Variants in PCGF5 observed in about 807,000 individuals in gnomAD.
PCGF5 encodes the protein polycomb group ring finger 5, also known as polycomb group RING finger protein 5.
A neutral mutation model predicts 44.3 loss-of-function variants in PCGF5; 9 were observed. The observed-to-expected ratio is 0.20, with a 90% confidence interval of 0.12 to 0.35. The LOEUF (loss-of-function observed/expected upper bound fraction) is 0.35, where lower values mean the gene tolerates loss of function less well. Ranked by LOEUF, PCGF5 falls within the 10% of genes least tolerant of loss-of-function variation. The pLI, the probability that PCGF5 is intolerant of heterozygous loss-of-function variation, is 1.00. For missense variants in PCGF5, 146 were observed against 305.3 expected (o/e 0.48, Z 3.89); for synonymous variants, 95 against 102.5 (o/e 0.93, Z 0.44).
intron 3 of PCGF5, among the ~76,000 whole-genome samples, chr10:91,242,297 A>G (rs984487112): frequency 2.0e-5 from 3 of 151,892 alleles, no homozygotes; most frequent in Non-Finnish European, 4.4e-5. Flanking sequence ...AACTGAATAA[A>G]GCAAACATTT....
chr10:91,174,714 T>G (rs1200490589), intron 1 of PCGF5, among the ~76,000 whole-genome samples: 2 of 152,216 alleles, frequency 1.3e-5, no homozygotes, highest in African/African-American at 4.8e-5. Context: ...ATCAGGCATG[T>G]CTGTAAAATA....
intron 1 of PCGF5, among the ~76,000 whole-genome samples, chr10:91,193,596 G>T (rs1589361896): frequency 6.6e-6 from 1 of 151,978 alleles, no homozygotes; most frequent in East Asian, 1.9e-4. Context: ...AGGAGATAGG[G>T]TCGGAAAGGC....
chr10:91,169,404 C>A (rs1030217009), intron 1 of PCGF5, among the ~76,000 whole-genome samples: 1 of 152,064 alleles, frequency 6.6e-6, no homozygotes, highest in African/African-American at 2.4e-5. Flanking sequence ...ACAAAAAAAC[C>A]TCCTGGAACT....
At chr10:91,169,407 C>G (rs1333762483) in intron 1 of PCGF5, among the ~76,000 whole-genome samples, 1 of 152,076 alleles carries the variant, frequency 6.6e-6, no homozygotes, top group East Asian at 1.9e-4. Context: ...AAAAAACCTC[C>G]TGGAACTAAT....
chr10:91,230,453 A>G (rs1844972253), intron 2 of PCGF5, among the ~76,000 whole-genome samples: 1 of 152,188 alleles, frequency 6.6e-6, no homozygotes, highest in Non-Finnish European at 1.5e-5. Context: ...GATTTTTACC[A>G]GTATTATGTC....
At chr10:91,236,136 C>T (rs547109875) in intron 2 of PCGF5, among the ~76,000 whole-genome samples, 2 of 152,186 alleles carry the variant, frequency 1.3e-5, no homozygotes, top group South Asian at 4.2e-4. Flanking sequence ...ATTTTGATGC[C>T]AGGGACCAAA....
chr10:91,273,382 G>A (rs1846229593), intron 9 of PCGF5, among the ~76,000 whole-genome samples: 1 of 152,188 alleles, frequency 6.6e-6, no homozygotes, highest in African/African-American at 2.4e-5. Flanking sequence ...TGATGCCTAT[G>A]TATTTCCTTA....
At chr10:91,256,092 C>G (rs905714304) in intron 6 of PCGF5, among the ~76,000 whole-genome samples, 7 of 151,922 alleles carry the variant, frequency 4.6e-5, no homozygotes, top group African/African-American at 1.7e-4. Flanking sequence ...GACCCATACA[C>G]AGGAAAAGAA....
At chr10:91,272,554 C>CT (rs1846204922) in intron 9 of PCGF5, among the ~76,000 whole-genome samples, 1 of 152,118 alleles carries the variant, frequency 6.6e-6, no homozygotes, top group African/African-American at 2.4e-5. Context: ...GGGCAGATCT[C>CT]TTGAGTCCAG....
intron 1 of PCGF5, among the ~76,000 whole-genome samples, chr10:91,191,254 T>G (rs534525452): frequency 1.3e-5 from 2 of 152,266 alleles, no homozygotes; most frequent in African/African-American, 4.8e-5. Context: ...TTGGGGCCAT[T>G]AAGTAAAATA....
intron 6 of PCGF5, among the ~76,000 whole-genome samples, chr10:91,255,436 T>C (rs1845724410): frequency 6.6e-6 from 1 of 152,068 alleles, no homozygotes; most frequent in Non-Finnish European, 1.5e-5. Flanking sequence ...CTGCCTCACC[T>C]TGAGGTGGTC....
At chr10:91,275,894 T>C (rs1160126782) in intron 9 of PCGF5, among the ~76,000 whole-genome samples, 1 of 152,112 alleles carries the variant, frequency 6.6e-6, no homozygotes, top group Non-Finnish European at 1.5e-5. Context: ...GATTAAGTTA[T>C]AATAGCAAAG....
intron 1 of PCGF5, among the ~76,000 whole-genome samples, chr10:91,179,937 G>T (rs1211970628): frequency 1.3e-5 from 2 of 151,996 alleles, no homozygotes; most frequent in African/African-American, 4.8e-5. Flanking sequence ...TGTTTTCCAT[G>T]GTGGCTGAAC....
intron 3 of PCGF5, among the ~76,000 whole-genome samples, chr10:91,242,322 C>A (rs936304381): frequency 2.0e-5 from 3 of 151,668 alleles, no homozygotes; most frequent in Non-Finnish European, 4.4e-5. Context: ...TCAAGTAATT[C>A]TTTTCTTAAT....
At chr10:91,163,087 G>T (rs1490771328) in intron 1 of PCGF5, 1 of 149,454 alleles carries the variant, frequency 6.7e-6, no homozygotes, top group East Asian at 2.0e-4. Flanking sequence ...GCAAGGTAAG[G>T]GCGATGCGCG....
chr10:91,259,685 T>A (rs1463896204), intron 6 of PCGF5, among the ~76,000 whole-genome samples: 3 of 152,140 alleles, frequency 2.0e-5, no homozygotes, highest in African/African-American at 7.2e-5. Context: ...AACTATCTGA[T>A]CTTTGACAAA....
chr10:91,202,264 G>A (rs755230440), intron 1 of PCGF5, among the ~76,000 whole-genome samples: 5 of 152,162 alleles, frequency 3.3e-5, no homozygotes, highest in Non-Finnish European at 5.9e-5. Context: ...GTAGTATGGT[G>A]GTTAAGCCTA....
At chr10:91,232,558 A>C (rs1845038859) in intron 2 of PCGF5, among the ~76,000 whole-genome samples, 1 of 152,162 alleles carries the variant, frequency 6.6e-6, no homozygotes, top group African/African-American at 2.4e-5. Context: ...AGTAGATGGC[A>C]AAAGATGTAA....
At chr10:91,190,018 T>C (rs1218775708) in intron 1 of PCGF5, among the ~76,000 whole-genome samples, 7 of 152,218 alleles carry the variant, frequency 4.6e-5, no homozygotes, top group Non-Finnish European at 1.0e-4. Flanking sequence ...TTTGTGCTGC[T>C]ACAACAAAGC....
Sources: gnomAD v4.1 joint callset for allele counts (sites outside exome capture counted in the v4.1 genomes callset) on GRCh38, gnomAD v4.1.1 for gene constraint, MANE v1.5 for transcripts, NCBI Gene and HGNC (gene_info 2026-07-23, HGNC 2026-07-21) for gene names.